Variants in PPFIBP1 observed in about 807,000 individuals in gnomAD.
PPFIBP1 encodes PPFIB scaffold protein 1, also known as liprin-beta-1.
In PPFIBP1, 112 loss-of-function variants were observed where a neutral mutation model predicts 137.8. The observed-to-expected ratio is 0.81, with a 90% CI of 0.70 to 0.95. The LOEUF is 0.95. Among genes scored for constraint, PPFIBP1 ranks in the 40% least tolerant of loss-of-function variants. PPFIBP1 has a pLI of 0.00. For synonymous variants in PPFIBP1, 378 were observed against 417.3 expected (o/e 0.91, Z 1.15); for missense variants, 1,083 against 1,196.6 (o/e 0.91, Z 1.40).
At chr12:27,597,014 G>A (rs574708886) in intron 2 of PPFIBP1, among the ~76,000 whole-genome samples, 13 of 152,268 alleles carry the variant, frequency 8.5e-5, no homozygotes, top group Non-Finnish European at 1.3e-4. Flanking sequence ...GATCCAGGCC[G>A]AAATAAACCC....
chr12:27,672,368 A>G (rs2060252816), intron 14 of PPFIBP1, 59 bp from the exon 15 acceptor site: 2 of 1,369,134 alleles, frequency 1.5e-6, no homozygotes, highest in Non-Finnish European at 2.1e-6. Flanking sequence ...GTTCACTTAG[A>G]ACATATATGG....
At chr12:27,679,907 C>G in intron 20 of PPFIBP1, 26 bp from the exon 21 acceptor site, 3 of 1,613,604 alleles carry the variant, frequency 1.9e-6, no homozygotes. Flanking sequence ...AGGTCTAATA[C>G]TGGCCATGTG....
intron 22 of PPFIBP1, 26 bp downstream of exon 22, chr12:27,681,722 A>C: frequency 6.2e-7 from 1 of 1,611,990 alleles, no homozygotes. Context: ...TTTTGTTCAC[A>C]CAATGGATAC....
At chr12:27,687,130 C>T (rs1260791279) in intron 24 of PPFIBP1, among the ~76,000 whole-genome samples, 1 of 152,180 alleles carries the variant, frequency 6.6e-6, no homozygotes, top group East Asian at 1.9e-4. Flanking sequence ...TTTTTCAGAG[C>T]CCTGGGGTTC....
intron 2 of PPFIBP1, among the ~76,000 whole-genome samples, chr12:27,624,933 C>G (rs2056682095): frequency 6.6e-6 from 1 of 152,144 alleles, no homozygotes; most frequent in Non-Finnish European, 1.5e-5. Flanking sequence ...GATGAAAAAA[C>G]TGAAACGTTT....
intron 1 of PPFIBP1, among the ~76,000 whole-genome samples, chr12:27,536,648 A>G (rs1163667104): frequency 6.6e-6 from 1 of 152,216 alleles, no homozygotes; most frequent in East Asian, 1.9e-4. Flanking sequence ...TCTCATTTCA[A>G]CATGCGATTT....
At chr12:27,567,792 C>T (rs1005552546) in intron 1 of PPFIBP1, among the ~76,000 whole-genome samples, 1 of 152,100 alleles carries the variant, frequency 6.6e-6, no homozygotes, top group Non-Finnish European at 1.5e-5. Context: ...TGTTTGGTCT[C>T]AGTGAAGTTT....
At chr12:27,549,220 T>C (rs1034300785) in intron 1 of PPFIBP1, 2 of 136,362 alleles carry the variant, frequency 1.5e-5, no homozygotes, top group African/African-American at 5.0e-5. Context: ...ATGTGCACCA[T>C]TTCTTCTGCA....
rs147887007 is a variant in PPFIBP1, at chr12:27,598,777, G to A, written c.-36+20538G>A. 4.1e-3 allele frequency among the ~76,000 whole-genome samples: 620 copies of A among 152,282 alleles called. 2 individuals carry two copies. Among genetic ancestry groups the A allele is most frequent in the Admixed American group, 7.8e-3 (119 of 15,296 alleles). On this transcript the variant is annotated intron_variant, in intron 2 of 29. Coordinates refer to ENST00000228425, the MANE Select transcript of PPFIBP1 (RefSeq NM_003622.4). ...ACTCCACTTTCACCTCCAAAAGAAGGTCAGGGGATTTGGGGGTCCTCATTA... is the reference window on the plus strand; with the variant it reads ...ACTCCACTTTCACCTCCAAAAGAAGATCAGGGGATTTGGGGGTCCTCATTA...
chr12:27,601,907 A>G (rs1294647395), intron 2 of PPFIBP1, among the ~76,000 whole-genome samples: 1 of 152,248 alleles, frequency 6.6e-6, no homozygotes, highest in Non-Finnish European at 1.5e-5. Context: ...CAGTAGCCAC[A>G]TGTGGCTACT....
chr12:27,692,697 G>A (rs1248954770), intron 29 of PPFIBP1, 41 bp downstream of exon 29: 28 of 1,613,900 alleles, frequency 1.7e-5, no homozygotes, highest in Non-Finnish European at 2.3e-5. Context: ...TTCTATAAAT[G>A]TCTTTTATAA....
chr12:27,681,617 G>T lies in PPFIBP1; in HGVS notation c.1967G>T (p.Gly656Val). 1 of 1,614,138 alleles carries T rather than the reference G, an allele frequency of 6.2e-7. No homozygotes were observed. The highest frequency in any genetic ancestry group is 8.5e-7 in the Non-Finnish European group (1 of 1,180,012). ...VCNWLMEQGL[G>V]SYLNSGKHWI... Reference sequence around the variant, plus strand: ...AATTGGCTGATGGAACAGGGCTTGGGCTCGTACCTGAATTCTGGCAAGCAC... The same window carrying T: ...AATTGGCTGATGGAACAGGGCTTGGTCTCGTACCTGAATTCTGGCAAGCAC... Residue 656 changes from glycine (G) to valine (V), a missense_variant, in exon 22 of 30, where the codon GGC (glycine) becomes GTC (valine). Transcript: ENST00000228425.
intron 1 of PPFIBP1, among the ~76,000 whole-genome samples, chr12:27,564,645 G>A (rs191833811): frequency 3.7e-4 from 56 of 152,278 alleles, no homozygotes; most frequent in African/African-American, 1.3e-3. Context: ...TCTGGCCTTT[G>A]ATGTGTGTCT....
chr12:27,647,658 T>C, intron 5 of PPFIBP1, 71 bp from the exon 6 acceptor site: 2 of 913,308 alleles, frequency 2.2e-6, no homozygotes, highest in South Asian at 2.3e-5. Context: ...TTTGTTCCAT[T>C]TAGAGAAATA....
intron 1 of PPFIBP1, chr12:27,548,392 A>G (rs907759478): frequency 5.3e-5 from 8 of 152,208 alleles, no homozygotes; most frequent in Non-Finnish European, 1.0e-4. Context: ...ACCTTATGTG[A>G]TATTTTAGTC....
At chr12:27,667,003 G>A (rs2059897652) in intron 12 of PPFIBP1, among the ~76,000 whole-genome samples, 163 bp from the exon 13 acceptor site, 1 of 6,258 alleles carries the variant, frequency 1.6e-4, no homozygotes. Context: ...CTGTTTCCTA[G>A]GTCCTATGTT....
intron 13 of PPFIBP1, among the ~76,000 whole-genome samples, chr12:27,668,115 G>A (rs754190945): frequency 3.9e-5 from 6 of 152,046 alleles, no homozygotes; most frequent in African/African-American, 1.4e-4. Flanking sequence ...TGGCTACACC[G>A]CTTTACATCC....
At chr12:27,595,236 A>ACG (rs769404556) in intron 2 of PPFIBP1, among the ~76,000 whole-genome samples, 1 of 152,252 alleles carries the variant, frequency 6.6e-6, no homozygotes, top group Non-Finnish European at 1.5e-5. Context: ...ATGCGTGCAC[A>ACG]CGCGCGCGCG....
At chr12:27,674,373 G>T (rs868789441) in intron 17 of PPFIBP1, 152 bp downstream of exon 17, 15 of 554,666 alleles carry the variant, frequency 2.7e-5, no homozygotes, top group Non-Finnish European at 4.8e-5. Flanking sequence ...ATATGATTCC[G>T]TTTATGTGAA....
Sources: allele counts gnomAD v4.1 joint callset (sites outside exome capture counted in the v4.1 genomes callset), GRCh38; gene constraint gnomAD v4.1.1; transcripts MANE v1.5; gene names NCBI Gene and HGNC (gene_info 2026-07-23, HGNC 2026-07-21).